Variants in SLC8A1 observed in about 807,000 individuals in gnomAD.
The protein encoded by SLC8A1 is sodium/calcium exchanger 1.
In SLC8A1, 18 loss-of-function variants were observed where a neutral mutation model predicts 68.3. That is an observed-to-expected ratio of 0.26 (90% CI 0.18 to 0.39). The LOEUF (loss-of-function observed/expected upper bound fraction) is 0.39. Among genes scored for constraint, SLC8A1 ranks in the 10% least tolerant of loss-of-function variants. The pLI, the probability that SLC8A1 is intolerant of heterozygous loss-of-function variation, is 1.00. For synonymous variants in SLC8A1, 475 were observed against 415.5 expected (o/e 1.14, Z -1.74); for missense variants, 985 against 1,156.7 (o/e 0.85, Z 2.15).
At chr2:40,328,223 C>G (rs1459997546) in intron 2 of SLC8A1, among the ~76,000 whole-genome samples, 1 of 152,072 alleles carries the variant, frequency 6.6e-6, no homozygotes, top group Non-Finnish European at 1.5e-5. Flanking sequence ...GACTTAAAAG[C>G]ACTATGTGAT....
intron 2 of SLC8A1, among the ~76,000 whole-genome samples, chr2:40,257,908 A>G (rs1215697993): frequency 6.6e-6 from 1 of 151,196 alleles, no homozygotes; most frequent in Admixed American, 6.6e-5. Flanking sequence ...CAGCAAAGAT[A>G]GATAATGCCT....
At chr2:40,233,900 T>G (rs1280309993) in intron 2 of SLC8A1, among the ~76,000 whole-genome samples, 1 of 151,866 alleles carries the variant, frequency 6.6e-6, no homozygotes, top group Admixed American at 6.6e-5. Context: ...AAAGATCAGA[T>G]AGTTGTAGAT....
intron 2 of SLC8A1, among the ~76,000 whole-genome samples, chr2:40,406,418 A>C (rs1442413196): frequency 1.3e-5 from 2 of 152,170 alleles, no homozygotes; most frequent in African/African-American, 4.8e-5. Context: ...ATGATTACTT[A>C]TTTATTGTAT....
chr2:40,272,157 T>A (rs941431038), intron 2 of SLC8A1, among the ~76,000 whole-genome samples: 1 of 152,194 alleles, frequency 6.6e-6, no homozygotes, highest in African/African-American at 2.4e-5. Context: ...CATGAGCCAC[T>A]GCACCTGGCC....
intron 2 of SLC8A1, among the ~76,000 whole-genome samples, chr2:40,398,869 G>A (rs187017616): frequency 6.6e-6 from 1 of 152,248 alleles, no homozygotes; most frequent in East Asian, 1.9e-4. Context: ...CCTTGGCCTA[G>A]GAAGAAGCAA....
chr2:40,488,687 G>A (rs933803917), intron 1 of SLC8A1, among the ~76,000 whole-genome samples: 9 of 152,036 alleles, frequency 5.9e-5, no homozygotes, highest in Admixed American at 1.3e-4. Flanking sequence ...ACCTGAAATC[G>A]TCTTGGATTT....
chr2:40,405,062 G>A (rs1689904000), intron 2 of SLC8A1, among the ~76,000 whole-genome samples: 1 of 152,080 alleles, frequency 6.6e-6, no homozygotes, highest in Non-Finnish European at 1.5e-5. Flanking sequence ...CAGCCCCATA[G>A]GATGTAATTC....
intron 1 of SLC8A1, among the ~76,000 whole-genome samples, chr2:40,461,396 G>T: frequency 6.6e-6 from 1 of 152,168 alleles, no homozygotes; most frequent in East Asian, 1.9e-4. Context: ...TGGATTTACT[G>T]CTCCCACTGC....
intron 2 of SLC8A1, among the ~76,000 whole-genome samples, chr2:40,366,231 C>T (rs1575737437): frequency 1.3e-5 from 2 of 152,008 alleles, no homozygotes; most frequent in African/African-American, 4.8e-5. Flanking sequence ...ATGCACTCAA[C>T]AATGTTAACT....
At chr2:40,387,979 G>A (rs1177649378) in intron 2 of SLC8A1, among the ~76,000 whole-genome samples, 1 of 150,780 alleles carries the variant, frequency 6.6e-6, no homozygotes, top group East Asian at 1.9e-4. Context: ...GAGACTGATG[G>A]GCTACTAAGG....
At chr2:40,154,978 A>G (rs557995072) in intron 6 of SLC8A1, among the ~76,000 whole-genome samples, 6 of 152,280 alleles carry the variant, frequency 3.9e-5, no homozygotes, top group African/African-American at 1.2e-4. Context: ...CTCAGTCAAC[A>G]TATGATTTTA....
chr2:40,428,126 A>G (rs1381187703), intron 2 of SLC8A1, among the ~76,000 whole-genome samples: 2 of 152,128 alleles, frequency 1.3e-5, no homozygotes, highest in Non-Finnish European at 2.9e-5. Flanking sequence ...AGTATATACC[A>G]TGTGATTCAA....
intron 2 of SLC8A1, among the ~76,000 whole-genome samples, chr2:40,277,683 C>A (rs1168688354): frequency 2.6e-5 from 4 of 151,030 alleles, no homozygotes; most frequent in Non-Finnish European, 5.9e-5. Context: ...CAAATAATGG[C>A]TGTAATAAAA....
At chr2:40,309,936 T>G (rs372211906) in intron 2 of SLC8A1, among the ~76,000 whole-genome samples, 1 of 152,192 alleles carries the variant, frequency 6.6e-6, no homozygotes, top group African/African-American at 2.4e-5. Context: ...AACATTGTAT[T>G]CAGCCCCAAA....
chr2:40,212,712 C>CTTCTT (rs553637665), intron 2 of SLC8A1, among the ~76,000 whole-genome samples: 2 of 152,220 alleles, frequency 1.3e-5, no homozygotes, highest in East Asian at 1.9e-4. Flanking sequence ...GAAGACTCTT[C>CTTCTT]TTCTTTTCTT....
chr2:40,240,420 C>G (rs920522287), intron 2 of SLC8A1, among the ~76,000 whole-genome samples: 1 of 152,050 alleles, frequency 6.6e-6, no homozygotes, highest in Non-Finnish European at 1.5e-5. Flanking sequence ...TTGAACTGGA[C>G]CCAATGCAAC....
intron 2 of SLC8A1, among the ~76,000 whole-genome samples, chr2:40,261,621 C>T (rs1167362972): frequency 1.3e-5 from 2 of 152,274 alleles, no homozygotes; most frequent in East Asian, 3.9e-4. Context: ...AGCTCTATGT[C>T]AGCCATTCAG....
At chr2:40,355,250 G>A (rs1010271965) in intron 2 of SLC8A1, among the ~76,000 whole-genome samples, 1 of 152,120 alleles carries the variant, frequency 6.6e-6, no homozygotes, top group Non-Finnish European at 1.5e-5. Flanking sequence ...CATCTAACAA[G>A]GTGATTCCGA....
At chr2:40,113,342 C>A (rs1047355647) in exon 8 of SLC8A1, 1 of 152,750 alleles carries the variant, frequency 6.5e-6, no homozygotes, top group African/African-American at 2.4e-5. Context: ...GAGAGGTGAC[C>A]AAAGTCATTC....
Sources: gnomAD v4.1 joint callset for allele counts (sites outside exome capture counted in the v4.1 genomes callset) on GRCh38, gnomAD v4.1.1 for gene constraint, MANE v1.5 for transcripts, NCBI Gene and HGNC (gene_info 2026-07-23, HGNC 2026-07-21) for gene names.